The following ACTL8 variants were observed in gnomAD, a reference collection of about 807,000 sequenced individuals.
ACTL8 encodes the protein actin like 8.
A neutral mutation model predicts 9.3 loss-of-function variants in ACTL8; 3 were observed. That is an observed-to-expected ratio of 0.32 (90% CI 0.15 to 0.83). The LOEUF (loss-of-function observed/expected upper bound fraction) is 0.83. Ranked by LOEUF, ACTL8 falls within the 40% of genes least tolerant of loss-of-function variation. The pLI, the probability that ACTL8 is intolerant of heterozygous loss-of-function variation, is 0.57. For missense variants in ACTL8, 381 were observed against 492.2 expected (o/e 0.77, Z 2.14); for synonymous variants, 224 against 205.9 (o/e 1.09, Z -0.75).
intron 1 of ACTL8, among the ~76,000 whole-genome samples, chr1:17,801,859 C>A (rs773436832): frequency 1.3e-5 from 2 of 152,142 alleles, no homozygotes; most frequent in Non-Finnish European, 2.9e-5. Flanking sequence ...TGTTAGCATT[C>A]GGTGTCCATC....
chr1:17,781,946 A>C (rs2066157863), intron 1 of ACTL8, among the ~76,000 whole-genome samples: 1 of 152,208 alleles, frequency 6.6e-6, no homozygotes, highest in Non-Finnish European at 1.5e-5. Flanking sequence ...TGGGCCATCC[A>C]TGAAGGAGCC....
At chr1:17,811,417 G>GAT (rs1283925992) in intron 1 of ACTL8, among the ~76,000 whole-genome samples, 1 of 152,094 alleles carries the variant, frequency 6.6e-6, no homozygotes, top group Non-Finnish European at 1.5e-5. Flanking sequence ...TCATTCTCTT[G>GAT]ATAGTGTCTT....
chr1:17,814,510 T>C (rs12567754), intron 1 of ACTL8, among the ~76,000 whole-genome samples: 5 of 152,050 alleles, frequency 3.3e-5, no homozygotes, highest in Admixed American at 1.3e-4. Flanking sequence ...CATACCCGTT[T>C]GTAGCATAGC....
rs558664313 is a variant in ACTL8, at chr1:17,826,595, G to A, written c.*76G>A. The A allele has an allele frequency of 2.1e-6, 3 of 1,410,822 alleles. No homozygotes were observed. Among genetic ancestry groups the A allele is most frequent in the African/African-American group, 2.9e-5 (2 of 69,782 alleles). 87.4% of individuals were successfully genotyped at this position (1,410,822 alleles called of 1,614,324 possible). A position where few individuals can be genotyped will look rare whatever the true frequency, so the allele number is the denominator to read the frequency against. On this transcript the variant is annotated 3_prime_UTR_variant, in exon 3 of 3. Coordinates refer to ENST00000375406, the MANE Select transcript of ACTL8 (RefSeq NM_030812.3). The surrounding 1 kb of genome is among the most constrained non-coding windows in gnomAD (Gnocchi z 4.5). The stretch of plus-strand genomic sequence containing the variant: ...GATTAATTTTAGCAAAATGTTCTGG[G>A]TGGGGGTAGAATGAGGTGGGGTGGG...
At chr1:17,794,786 G>C (rs951529515) in intron 1 of ACTL8, among the ~76,000 whole-genome samples, 4 of 152,190 alleles carry the variant, frequency 2.6e-5, no homozygotes, top group Admixed American at 6.5e-5. Context: ...ACAGAGAGTT[G>C]CTCTCCCAGA....
In ACTL8 at chr1:17,823,216, G is replaced by A; in HGVS notation, c.208G>A (p.Gly70Ser). The A allele has an allele frequency of 6.2e-7, 1 of 1,614,176 alleles. No individual in the cohort carries two copies. ...PDTFSYPIER[G>S]RILNWEGVQY... is the part of the protein sequence containing the mutation. ...CACCTTTAGCTACCCCATCGAGCGG[G>A]GCCGCATCCTCAACTGGGAGGGTGT... The change falls in exon 2 of 3, where the codon GGC becomes AGC. Residue 70 changes from glycine to serine, a missense_variant. Gly to Ser is a moderately conservative substitution (Grantham distance 56). Around this residue, in one of 3 missense-constraint regions of ACTL8, gnomAD observed 125 missense variants for 180.7 expected, o/e 0.69. Transcript: ENST00000375406. This position sits in a 1 kb window ranked among gnomAD's most constrained non-coding sequence, Gnocchi z 5.3.
rs1248615011 is a variant in ACTL8, at chr1:17,802,168, T to C, written c.-24-20817T>C. 2.0e-5 allele frequency among the ~76,000 whole-genome samples: 3 copies of C among 152,206 alleles called. No homozygotes were observed. In the East Asian group the frequency reaches 5.8e-4, roughly 29 times the overall value. On this transcript the variant is annotated intron_variant, in intron 1 of 2. Coordinates refer to ENST00000375406, the MANE Select transcript of ACTL8 (RefSeq NM_030812.3). Reference sequence around the variant, plus strand: ...TTGATAAGTTGGTTAATTTGTCTTTTCTCTTACCGAAGTGCTTTTGCAGCT... The same window carrying C: ...TTGATAAGTTGGTTAATTTGTCTTTCCTCTTACCGAAGTGCTTTTGCAGCT...
Position 17,780,056 on chromosome 1 carries a change from A to G in ACTL8, c.-25+24552A>G, listed in dbSNP as rs1036042603. Among the ~76,000 whole-genome samples the G allele has an allele frequency of 3.3e-5, 5 of 151,776 alleles. No homozygotes were observed. The East Asian group carries it at 5.8e-4, about 18-fold the overall frequency. On this transcript the variant is annotated intron_variant, in intron 1 of 2. Coordinates refer to ENST00000375406, the MANE Select transcript of ACTL8 (RefSeq NM_030812.3). Reference sequence around the variant, plus strand: ...ACCCTTTCTCTACAAAAAATAACCAAATTAACTGGTTGTAGTGGTGTGCAC... The same window carrying G: ...ACCCTTTCTCTACAAAAAATAACCAGATTAACTGGTTGTAGTGGTGTGCAC...
chr1:17,804,903 C>T (rs1198812626), intron 1 of ACTL8, among the ~76,000 whole-genome samples: 1 of 152,150 alleles, frequency 6.6e-6, no homozygotes, highest in Non-Finnish European at 1.5e-5. Flanking sequence ...GTGTGAGCCA[C>T]TGTGCCCGGC....
At chr1:17,815,505 T>G (rs2066420941) in intron 1 of ACTL8, among the ~76,000 whole-genome samples, 1 of 152,192 alleles carries the variant, frequency 6.6e-6, no homozygotes, top group Non-Finnish European at 1.5e-5. Flanking sequence ...TTTCCCCTGG[T>G]GGGAAGTCTG....
In ACTL8 at chr1:17,758,433, C is replaced by A. The variant is rs948029333; in HGVS notation, c.-25+2929C>A. Among the ~76,000 whole-genome samples the A allele has an allele frequency of 1.4e-4, 21 of 152,338 alleles. No individual in the cohort carries two copies. In the South Asian group the frequency reaches 1.5e-3, roughly 11 times the overall value. On this transcript the variant is annotated intron_variant, in intron 1 of 2. Coordinates refer to ENST00000375406, the MANE Select transcript of ACTL8 (RefSeq NM_030812.3). ...TCTAGGCCCGGTAGCCAAAACCTGG[C>A]AATTGATAGTCATGGCTTCTCATTC...
At position 17,782,378 on chromosome 1, in the gene ACTL8, A is replaced by AT. The variant is rs368151880; in HGVS notation, c.-25+26884dup. On this transcript the variant is annotated intron_variant, in intron 1 of 2. Coordinates refer to ENST00000375406, the MANE Select transcript of ACTL8 (RefSeq NM_030812.3). Reference sequence around the variant, plus strand: ...TAAAAGTTAAATGACTTATCTTGTCATTTTTTTTTTGTTAAACGCTATAAA... The same window carrying AT: ...TAAAAGTTAAATGACTTATCTTGTCATTTTTTTTTTTGTTAAACGCTATAAA... 1.8e-3 allele frequency among the ~76,000 whole-genome samples: 272 copies of AT among 150,286 alleles called. 2 individuals are homozygous for AT. The highest frequency in any genetic ancestry group is 3.4e-3 in the Middle Eastern group (1 of 292).
At chr1:17,814,488 A>T (rs899860613) in intron 1 of ACTL8, among the ~76,000 whole-genome samples, 9 of 152,158 alleles carry the variant, frequency 5.9e-5, no homozygotes, top group African/African-American at 2.2e-4. Flanking sequence ...AGTATTCAGT[A>T]CAATAACACG....
intron 1 of ACTL8, among the ~76,000 whole-genome samples, chr1:17,766,570 C>T (rs1159808694): frequency 6.6e-6 from 1 of 152,192 alleles, no homozygotes; most frequent in African/African-American, 2.4e-5. Flanking sequence ...GCCTGTCAGG[C>T]ACCGTCCTAA....
At chr1:17,799,474 T>C (rs1309063512) in intron 1 of ACTL8, among the ~76,000 whole-genome samples, 1 of 152,108 alleles carries the variant, frequency 6.6e-6, no homozygotes, top group African/African-American at 2.4e-5. Context: ...TTTTTTTTCT[T>C]GTTGGTTTCT....
chr1:17,801,175 C>T (rs1183531334), intron 1 of ACTL8, among the ~76,000 whole-genome samples: 1 of 152,116 alleles, frequency 6.6e-6, no homozygotes, highest in Non-Finnish European at 1.5e-5. Flanking sequence ...TTTCTTAATC[C>T]TTATGACAGC....
At chr1:17,761,218 C>T (rs1317647234) in intron 1 of ACTL8, among the ~76,000 whole-genome samples, 1 of 151,664 alleles carries the variant, frequency 6.6e-6, no homozygotes, top group Non-Finnish European at 1.5e-5. Context: ...TCAAGCAGCC[C>T]TCCCGGCCTC....
Position 17,826,112 on chromosome 1 carries a change from T to C in ACTL8, c.694T>C (p.Leu232=). 1 of 1,610,288 alleles carries C rather than the reference T, an allele frequency of 6.2e-7. No individual in the cohort carries two copies. The highest frequency in any genetic ancestry group is 8.5e-7 in the Non-Finnish European group (1 of 1,179,348). Residue 232 remains leucine (L), a synonymous_variant, in exon 3 of 3, where the codon TTG becomes CTG. Coordinates refer to ENST00000375406, the MANE Select transcript of ACTL8 (RefSeq NM_030812.3). This position sits in a 1 kb window ranked among gnomAD's most constrained non-coding sequence, Gnocchi z 4.5. ...CTTTCGTGAGAGGCAGCAGAGTGCC[T>C]TGGATGAGAGCAACACCTATCAGCT... ...LDFRERQQSA[L]DESNTYQLPD...
At chr1:17,796,335 T>TGTGC (rs2102690173) in intron 1 of ACTL8, among the ~76,000 whole-genome samples, 1 of 147,706 alleles carries the variant, frequency 6.8e-6, no homozygotes, top group South Asian at 2.1e-4. Flanking sequence ...TGTGTGTGTG[T>TGTGC]GTAGGTAAGC....
Sources: gnomAD v4.1 joint callset for allele counts (sites outside exome capture counted in the v4.1 genomes callset) on GRCh38, gnomAD v4.1.1 for gene constraint, gnomAD v4.1.1 regional missense constraint, Gnocchi (gnomAD v3.1) non-coding constraint, MANE v1.5 for transcripts, NCBI Gene and HGNC (gene_info 2026-07-23, HGNC 2026-07-21) for gene names.